SASH1: variants seen among roughly 807,000 people sequenced by gnomAD.
SASH1 encodes the protein SAM and SH3 domain containing 1, also known as SAM and SH3 domain-containing protein 1.
In SASH1, 44 loss-of-function variants were observed where a neutral mutation model predicts 125.2. The ratio of observed to expected loss-of-function variants is 0.35; its 90% CI spans 0.28 to 0.45. The LOEUF (loss-of-function observed/expected upper bound fraction) is 0.45. Among genes scored for constraint, SASH1 ranks in the 20% least tolerant of loss-of-function variants. SASH1 has a pLI of 1.00. For missense variants in SASH1, 1,426 were observed against 1,614.5 expected (o/e 0.88, Z 2.00); for synonymous variants, 639 against 649.1 (o/e 0.98, Z 0.24).
At position 148,368,770 on chromosome 6, in the gene SASH1, G is replaced by GCACGCACACACACACACACACA. The variant is rs1554245333; in HGVS notation, c.157-21361_157-21360insGCACACACACACACACACACAC. 1.5e-3 allele frequency among the ~76,000 whole-genome samples: 208 copies of GCACGCACACACACACACACACA among 135,588 alleles called. 1 individual carries two copies. In the East Asian group the frequency reaches 0.017, roughly 11 times the overall value. 89.0% of individuals were successfully genotyped at this position (135,588 alleles called of 152,430 possible). Reference sequence around the variant, plus strand: ...CCCCCACATGCGCGCGCACGCGCGCGCACACACACACACACACACACACAC... The same window carrying GCACGCACACACACACACACACA: ...CCCCCACATGCGCGCGCACGCGCGCGCACGCACACACACACACACACACACACACACACACACACACACACAC... On this transcript the variant is annotated intron_variant, in intron 1 of 19. Transcript: ENST00000367467.
chr6:148,396,608 G>A (rs1224538254), intron 2 of SASH1, among the ~76,000 whole-genome samples: 1 of 151,870 alleles, frequency 6.6e-6, no homozygotes, highest in Non-Finnish European at 1.5e-5. Flanking sequence ...GACAGAGGCA[G>A]TAAGAGTAGT....
At chr6:148,409,508 A>G (rs1784528101) in intron 2 of SASH1, among the ~76,000 whole-genome samples, 1 of 152,216 alleles carries the variant, frequency 6.6e-6, no homozygotes, top group African/African-American at 2.4e-5. Context: ...AGGGCTATGT[A>G]AGAAATTTCT....
chr6:148,288,741 C>T (rs1779551153), intron 1 of SASH1, among the ~76,000 whole-genome samples: 1 of 152,076 alleles, frequency 6.6e-6, no homozygotes, highest in Non-Finnish European at 1.5e-5. Flanking sequence ...ACTCTAAGAT[C>T]AGAAAAATGT....
At chr6:148,298,213 A>G (rs1014646352) in intron 1 of SASH1, among the ~76,000 whole-genome samples, 1 of 151,906 alleles carries the variant, frequency 6.6e-6, no homozygotes, top group Admixed American at 6.6e-5. Flanking sequence ...GGGTGTCACC[A>G]TGTTGGCCAG....
chr6:148,482,222 G>A (rs949642398), intron 7 of SASH1, among the ~76,000 whole-genome samples: 1 of 152,202 alleles, frequency 6.6e-6, no homozygotes, highest in Non-Finnish European at 1.5e-5. Flanking sequence ...GCATTGATGA[G>A]TGATATTGTA....
At chr6:148,498,382 C>T (rs1779407705) in intron 8 of SASH1, among the ~76,000 whole-genome samples, 1 of 149,578 alleles carries the variant, frequency 6.7e-6, no homozygotes, top group African/African-American at 2.5e-5. Context: ...GCCTGGGTGG[C>T]AGAGCAAGAA....
chr6:148,465,992 C>T (rs1456536790), intron 4 of SASH1, among the ~76,000 whole-genome samples: 1 of 152,160 alleles, frequency 6.6e-6, no homozygotes, highest in African/African-American at 2.4e-5. Flanking sequence ...CATCCATGTA[C>T]CTTACTTGTG....
At chr6:148,371,195 G>C (rs1342460272) in intron 1 of SASH1, among the ~76,000 whole-genome samples, 2 of 152,106 alleles carry the variant, frequency 1.3e-5, no homozygotes, top group Non-Finnish European at 2.9e-5. Flanking sequence ...TAATATTTAA[G>C]AGAAAATGAA....
intron 17 of SASH1, among the ~76,000 whole-genome samples, chr6:148,542,449 C>T (rs1431066741): frequency 3.3e-5 from 5 of 152,068 alleles, no homozygotes; most frequent in Admixed American, 6.5e-5. Context: ...TGCAGTGGCG[C>T]GATCTTGGCT....
At chr6:148,206,835 TA>T in the SASH1 span, among the ~76,000 whole-genome samples, 2 of 84,864 alleles carry the variant, frequency 2.4e-5, no homozygotes, top group Non-Finnish European at 4.8e-5. Context: ...ACACACAAAT[TA>T]ACATAAATAC....
chr6:148,345,454 C>A (rs1424896974), intron 1 of SASH1, among the ~76,000 whole-genome samples: 1 of 152,148 alleles, frequency 6.6e-6, no homozygotes, highest in East Asian at 1.9e-4. Context: ...AAAGCCTGTC[C>A]CAGACAGGTT....
intron 1 of SASH1, among the ~76,000 whole-genome samples, chr6:148,281,044 G>A (rs1779327350): frequency 6.7e-6 from 1 of 148,714 alleles, no homozygotes; most frequent in Non-Finnish European, 1.5e-5. Flanking sequence ...CCGGGTTCAA[G>A]CAATTCTCCT....
intron 1 of SASH1, among the ~76,000 whole-genome samples, chr6:148,363,647 G>A (rs1029889808): frequency 2.6e-5 from 4 of 151,898 alleles, no homozygotes; most frequent in African/African-American, 4.8e-5. Flanking sequence ...TGATCCACCC[G>A]TCTCGGCCTC....
chr6:148,340,289 C>G (rs927465017), upstream of SASH1, among the ~76,000 whole-genome samples: 6 of 152,012 alleles, frequency 3.9e-5, no homozygotes, highest in African/African-American at 1.4e-4. Context: ...TCGAGACCAG[C>G]CTGACCAATA....
intron 1 of SASH1, among the ~76,000 whole-genome samples, chr6:148,356,939 T>C (rs1781968093): frequency 6.6e-6 from 1 of 152,242 alleles, no homozygotes; most frequent in South Asian, 2.1e-4. Context: ...CTGATAGTGA[T>C]GTTGAGCATT....
In SASH1 at chr6:148,482,169, A is replaced by C. The variant is rs766614957; in HGVS notation, c.628-5445A>C. On this transcript the variant is annotated intron_variant, in intron 7 of 19. Coordinates refer to ENST00000367467, the MANE Select transcript of SASH1 (RefSeq NM_015278.5). ...AATACACTCATGTTTAAAGCCTTGG[A>C]TAAAAAAGAATAGTAGTAAATGTAT... Among the ~76,000 whole-genome samples the C allele has an allele frequency of 1.4e-3, 207 of 152,330 alleles. 2 individuals are homozygous for C. The highest frequency in any genetic ancestry group is 8.3e-4 in the South Asian group (4 of 4,828).
intron 2 of SASH1, among the ~76,000 whole-genome samples, chr6:148,431,218 T>G (rs1776045621): frequency 6.6e-6 from 1 of 151,822 alleles, no homozygotes; most frequent in Admixed American, 6.6e-5. Context: ...TTTTTTTTTT[T>G]GAGACGGAGT....
rs1233964736 is a variant in SASH1 at position 148,289,100 on chromosome 6, C to G, written n.74+16723C>G. On this transcript the variant is annotated intron_variant and non_coding_transcript_variant, in intron 1 of 3. Transcript: ENST00000367469. Reference sequence around the variant, plus strand: ...GGTTCAAGCAAGTCTCCTGCCTCAGCCTCCCGAGTAGCTGGAACCCCTTTT... The same window carrying G: ...GGTTCAAGCAAGTCTCCTGCCTCAGGCTCCCGAGTAGCTGGAACCCCTTTT... Among the ~76,000 whole-genome samples the G allele has an allele frequency of 6.0e-4, 91 of 152,054 alleles. 1 individual carries two copies. The highest frequency in any genetic ancestry group is 6.0e-3 in the Admixed American group (91 of 15,260).
At position 148,279,126 on chromosome 6, in the gene SASH1, G is replaced by C. The variant is rs374780984; in HGVS notation, n.74+6749G>C. On this transcript the variant is annotated intron_variant and non_coding_transcript_variant, in intron 1 of 3. Coordinates refer to the SASH1 transcript ENST00000367469. ...CCTATCTCAGCCTCCCAAGTAGCTG[G>C]GACTACAGGCGCATGCTGCTATGCC... 3.4e-4 allele frequency among the ~76,000 whole-genome samples: 51 copies of C among 152,074 alleles called. No homozygotes were observed. The South Asian group carries it at 0.01, about 31-fold the overall frequency.
Sources: allele counts gnomAD v4.1 joint callset (sites outside exome capture counted in the v4.1 genomes callset), GRCh38; gene constraint gnomAD v4.1.1; transcripts MANE v1.5; gene names NCBI Gene and HGNC (gene_info 2026-07-23, HGNC 2026-07-21).